Variants in AFTPH observed in about 807,000 individuals in gnomAD.
AFTPH encodes the protein aftiphilin, also known as aftiphilin protein.
In AFTPH, 7 loss-of-function variants were observed where a neutral mutation model predicts 72.5. That is an observed-to-expected ratio of 0.10 (90% confidence interval 0.05 to 0.18). AFTPH has a LOEUF of 0.18. Ranked by LOEUF, AFTPH falls within the 10% of genes least tolerant of loss-of-function variation. The pLI is 1.00. For synonymous variants in AFTPH, 337 were observed against 370.1 expected, an observed-to-expected ratio of 0.91 and a Z score of 1.03; for missense variants, 979 against 1,060.5, an observed-to-expected ratio of 0.92 and a Z score of 1.07.
chr2:64,543,783 A>G (rs557040570), intron 1 of AFTPH, among the ~76,000 whole-genome samples: 126 of 152,144 alleles, frequency 8.3e-4, no homozygotes, highest in Non-Finnish European at 1.5e-3. Context: ...TGTTGGCCCC[A>G]TTCCTTCCTT....
chr2:64,540,571 A>C (rs2103855894), intron 1 of AFTPH, among the ~76,000 whole-genome samples: 1 of 152,286 alleles, frequency 6.6e-6, no homozygotes, highest in East Asian at 1.9e-4. Flanking sequence ...AACTTCTCTC[A>C]AATAACTCAT....
chr2:64,560,671 G>T (rs1671669942), intron 2 of AFTPH, among the ~76,000 whole-genome samples: 2 of 152,112 alleles, frequency 1.3e-5, no homozygotes, highest in African/African-American at 4.8e-5. Flanking sequence ...TCAGGAGTTT[G>T]AGACCAGCCT....
chr2:64,592,094 CA>C, exon 9 of AFTPH: 1 of 1,103,896 alleles, frequency 9.1e-7, no homozygotes, highest in African/African-American at 1.8e-5. Context: ...TCCCTACCAT[CA>C]AAAGCATACC....
chr2:64,541,464 G>C (rs962411471), intron 1 of AFTPH, among the ~76,000 whole-genome samples: 1 of 152,058 alleles, frequency 6.6e-6, no homozygotes, highest in African/African-American at 2.4e-5. Flanking sequence ...AATTATTTCT[G>C]TAGATTTTAA....
At chr2:64,588,093 A>C (rs1437025215) in intron 8 of AFTPH, among the ~76,000 whole-genome samples, 1 of 152,152 alleles carries the variant, frequency 6.6e-6, no homozygotes, top group Non-Finnish European at 1.5e-5. Flanking sequence ...CCCTGTACCC[A>C]TTAGCAGTCA....
Position 64,584,891 on chromosome 2 carries a change from T to C in AFTPH, c.2456-531T>C, listed in dbSNP as rs368889109. Among the ~76,000 whole-genome samples the C allele has an allele frequency of 6.0e-4, 91 of 152,268 alleles. 1 individual carries two copies. The highest frequency in any genetic ancestry group is 1.5e-3 in the Admixed American group (23 of 15,300). On this transcript the variant is annotated intron_variant, in intron 7 of 8. Transcript: ENST00000238856. The stretch of plus-strand genomic sequence containing the variant: ...GATTACAGGCGTGAGCCACCGCGCC[T>C]GGCCAGTCATGATATATTTAAACTA...
exon 2 of AFTPH, chr2:64,551,956 T>C (rs1029455381): frequency 4.3e-6 from 7 of 1,613,392 alleles, no homozygotes; most frequent in Non-Finnish European, 5.9e-6. Context: ...AATATGAATG[T>C]TGTTCATCAA....
At chr2:64,552,491 C>A in exon 2 of AFTPH, 1 of 1,614,018 alleles carries the variant, frequency 6.2e-7, no homozygotes, top group Non-Finnish European at 8.5e-7. Context: ...GTTTGGTAGA[C>A]TCAGCTGATA....
At chr2:64,551,005 T>C (rs1005977654) in intron 1 of AFTPH, among the ~76,000 whole-genome samples, 5 of 152,186 alleles carry the variant, frequency 3.3e-5, no homozygotes, top group African/African-American at 1.2e-4. Flanking sequence ...ACTGATAAAA[T>C]TTTGATGCCT....
At chr2:64,589,668 T>C (rs1306393392) in intron 8 of AFTPH, among the ~76,000 whole-genome samples, 2 of 152,206 alleles carry the variant, frequency 1.3e-5, no homozygotes, top group Non-Finnish European at 2.9e-5. Flanking sequence ...GAATAATCTT[T>C]ACCAACTGTT....
intron 2 of AFTPH, among the ~76,000 whole-genome samples, chr2:64,565,027 C>T (rs1438047287): frequency 3.3e-5 from 5 of 151,586 alleles, no homozygotes; most frequent in Admixed American, 6.6e-5. Context: ...TTAGTAGAGA[C>T]GGGGTTTCAC....
chr2:64,585,670 C>A, intron 8 of AFTPH, 125 bp downstream of exon 9: 2 of 1,033,644 alleles, frequency 1.9e-6, no homozygotes, highest in Non-Finnish European at 2.8e-6. Flanking sequence ...AAAAGTCAGT[C>A]GATGCCCAAG....
chr2:64,570,731 G>A (rs1053465782), intron 5 of AFTPH, among the ~76,000 whole-genome samples: 3 of 152,094 alleles, frequency 2.0e-5, no homozygotes, highest in Non-Finnish European at 4.4e-5. Context: ...TAATTTGTAG[G>A]CACTTTCATT....
intron 6 of AFTPH, among the ~76,000 whole-genome samples, chr2:64,578,235 A>C (rs1232494162): frequency 6.6e-6 from 1 of 152,226 alleles, no homozygotes; most frequent in Non-Finnish European, 1.5e-5. Context: ...TATAAAAAAC[A>C]GCAAGTGATC....
intron 8 of AFTPH, among the ~76,000 whole-genome samples, 198 bp downstream of exon 9, chr2:64,585,743 A>T (rs977713351): frequency 5.3e-5 from 8 of 152,206 alleles, no homozygotes; most frequent in African/African-American, 1.9e-4. Context: ...TTATTTCATA[A>T]GAGATTGGCC....
At chr2:64,560,408 C>G (rs1671650415) in intron 2 of AFTPH, among the ~76,000 whole-genome samples, 1 of 151,976 alleles carries the variant, frequency 6.6e-6, no homozygotes, top group East Asian at 1.9e-4. Context: ...TAAAGACATT[C>G]AAGGTAATGA....
At chr2:64,579,439 C>T in intron 6 of AFTPH, 47 bp from the exon 7 acceptor site, 2 of 1,485,556 alleles carry the variant, frequency 1.3e-6, no homozygotes, top group African/African-American at 1.4e-5. Flanking sequence ...CTTTACGTTG[C>T]TACAACCTGT....
At position 64,554,605 on chromosome 2, in the gene AFTPH, C is replaced by A. The variant is rs140554230; in HGVS notation, c.1935+1196C>A. ...GATATTAGAGAAATTATGGTATTACCAGTTGGTGTGCATAGCTAATCGCTT... is the reference window on the plus strand; with the variant it reads ...GATATTAGAGAAATTATGGTATTACAAGTTGGTGTGCATAGCTAATCGCTT... On this transcript the variant is annotated intron_variant, in intron 2 of 8. Transcript: ENST00000238856. 5.9e-5 allele frequency among the ~76,000 whole-genome samples: 9 copies of A among 152,190 alleles called. No homozygotes were observed. In the East Asian group the frequency reaches 1.7e-3, roughly 29 times the overall value.
At chr2:64,584,885 C>G (rs964052066) in intron 7 of AFTPH, among the ~76,000 whole-genome samples, 1 of 152,102 alleles carries the variant, frequency 6.6e-6, no homozygotes, top group Non-Finnish European at 1.5e-5. Flanking sequence ...CGTGAGCCAC[C>G]GCGCCTGGCC....
Sources: gnomAD v4.1 joint callset for allele counts (sites outside exome capture counted in the v4.1 genomes callset) on GRCh38, gnomAD v4.1.1 for gene constraint, MANE v1.5 for transcripts, NCBI Gene and HGNC (gene_info 2026-07-23, HGNC 2026-07-21) for gene names.